DNAJC12: variants seen among roughly 807,000 people sequenced by gnomAD.
The protein encoded by DNAJC12 is dnaJ homolog subfamily C member 12.
DNAJC12 carries 25 observed loss-of-function variants against 28.5 expected under a neutral mutation model. That is an observed-to-expected ratio of 0.88 (90% CI 0.64 to 1.22). DNAJC12 has a LOEUF of 1.22. DNAJC12 is among the 50% of genes most tolerant of loss of function. The pLI is 0.00. For synonymous variants in DNAJC12, 77 were observed against 80.6 expected (o/e 0.95, Z 0.24); for missense variants, 222 against 231.7 (o/e 0.96, Z 0.27).
At chr10:67,801,742 A>T (rs1267532187) in intron 4 of DNAJC12, among the ~76,000 whole-genome samples, 5 of 146,538 alleles carry the variant, frequency 3.4e-5, no homozygotes, top group Admixed American at 2.7e-4. Context: ...GTGAGCCGAG[A>T]CAGTGCCACT....
intron 4 of DNAJC12, among the ~76,000 whole-genome samples, chr10:67,803,051 G>A (rs1210886783): frequency 6.6e-6 from 1 of 151,402 alleles, no homozygotes; most frequent in Non-Finnish European, 1.5e-5. Flanking sequence ...TGTTGCCCAG[G>A]CTGGTCTCAA....
intron 2 of DNAJC12, among the ~76,000 whole-genome samples, chr10:67,819,720 AAGG>A (rs1841958777): frequency 1.8e-4 from 1 of 5,510 alleles, no homozygotes; most frequent in Non-Finnish European, 6.1e-4. Context: ...GGAAGGAAGC[AAGG>A]AAGGAAGGAA....
chr10:67,831,437 T>C (rs1226825165), intron 1 of DNAJC12, among the ~76,000 whole-genome samples: 1 of 152,192 alleles, frequency 6.6e-6, no homozygotes, highest in Non-Finnish European at 1.5e-5. Flanking sequence ...TAGCAAAATA[T>C]TTTTGTCTAA....
intron 1 of DNAJC12, among the ~76,000 whole-genome samples, chr10:67,832,368 C>T (rs1461456872): frequency 6.6e-6 from 1 of 151,586 alleles, no homozygotes; most frequent in Non-Finnish European, 1.5e-5. Context: ...TAGATTTTTC[C>T]CACAAAATTC....
chr10:67,837,424 A>C (rs1842151181), intron 1 of DNAJC12, among the ~76,000 whole-genome samples: 1 of 152,178 alleles, frequency 6.6e-6, no homozygotes, highest in Non-Finnish European at 1.5e-5. Context: ...CACCCTTTCA[A>C]GAAGTAATTT....
At chr10:67,800,215 C>CTTCT (rs1249545037) in intron 4 of DNAJC12, among the ~76,000 whole-genome samples, 3 of 63,420 alleles carry the variant, frequency 4.7e-5, no homozygotes, top group African/African-American at 6.8e-5. Context: ...GAGAGAGACT[C>CTTCT]TATCTCAAAA....
chr10:67,829,763 A>T (rs1842075138), intron 1 of DNAJC12, among the ~76,000 whole-genome samples: 1 of 152,114 alleles, frequency 6.6e-6, no homozygotes, highest in South Asian at 2.1e-4. Context: ...CAATAATAGG[A>T]TGTTTGTTAT....
chr10:67,826,130 T>C (rs535053735), intron 1 of DNAJC12, among the ~76,000 whole-genome samples: 1 of 73,438 alleles, frequency 1.4e-5, no homozygotes, highest in Non-Finnish European at 3.6e-5. Context: ...TGAAGACATA[T>C]CTTTTTTTTT....
chr10:67,834,208 C>A (rs150082642), intron 1 of DNAJC12: 165 of 347,526 alleles, frequency 4.7e-4, no homozygotes, highest in African/African-American at 3.4e-3. Context: ...ATTATACTTT[C>A]ATTAGGTATG....
At chr10:67,801,836 CTTTTTTTTTTTTTTTTT>C (rs577511924) in intron 4 of DNAJC12, among the ~76,000 whole-genome samples, 938 of 26,178 alleles carry the variant, frequency 0.036, 19 homozygotes, top group African/African-American at 0.12. Context: ...CCACTTCATT[CTTTTTTTTTTTTTTTTT>C]TTTTTTTTTT....
chr10:67,805,133 C>T (rs908534489), intron 4 of DNAJC12, among the ~76,000 whole-genome samples: 1 of 152,154 alleles, frequency 6.6e-6, no homozygotes, highest in African/African-American at 2.4e-5. Flanking sequence ...GTTCAGACCC[C>T]TTTCCCTTCC....
At chr10:67,824,264 A>C (rs982404225) in intron 1 of DNAJC12, among the ~76,000 whole-genome samples, 1 of 151,380 alleles carries the variant, frequency 6.6e-6, no homozygotes, top group East Asian at 1.9e-4. Flanking sequence ...ATATTTAAAT[A>C]CCCAAAATGA....
intron 3 of DNAJC12, among the ~76,000 whole-genome samples, chr10:67,807,992 G>A (rs1407782118): frequency 6.6e-6 from 1 of 152,148 alleles, no homozygotes; most frequent in African/African-American, 2.4e-5. Context: ...TGCTTCTCAC[G>A]CTTTGTAGTT....
chr10:67,797,243 A>G, intron 4 of DNAJC12, 33 bp from the exon 5 acceptor site: 1 of 1,582,216 alleles, frequency 6.3e-7, no homozygotes, highest in Non-Finnish European at 8.7e-7. Flanking sequence ...ATTTAAAATC[A>G]GAAGTAGGAA....
Position 67,797,217 on chromosome 10 carries a change from A to G in DNAJC12, c.503-7T>C, listed in dbSNP as rs752582962. ...CCATTCACATCTGCAAAACCTTTAA[A>G]GGAAAGAAAGTAAATATTTAAAATC... On this transcript the variant is annotated splice_polypyrimidine_tract_variant and splice_region_variant and intron_variant, in intron 4 of 4. Coordinates refer to ENST00000225171, the MANE Select transcript of DNAJC12 (RefSeq NM_021800.3). 26 of 1,610,966 alleles carry G rather than the reference A, an allele frequency of 1.6e-5. 1 individual carries two copies. The South Asian group carries it at 2.4e-4, about 15-fold the overall frequency.
intron 3 of DNAJC12, among the ~76,000 whole-genome samples, chr10:67,807,962 T>A (rs774197201): frequency 2.0e-5 from 3 of 152,226 alleles, no homozygotes; most frequent in Non-Finnish European, 4.4e-5. Flanking sequence ...ATCCAAACTG[T>A]ATCTAACCTT....
chr10:67,826,563 TAA>T (rs1842032179), intron 1 of DNAJC12, among the ~76,000 whole-genome samples: 3 of 140,170 alleles, frequency 2.1e-5, no homozygotes, highest in Non-Finnish European at 4.5e-5. Context: ...AGATATCTAA[TAA>T]TATATATAAT....
chr10:67,830,991 A>G (rs561959056), intron 1 of DNAJC12, among the ~76,000 whole-genome samples: 1 of 152,356 alleles, frequency 6.6e-6, no homozygotes, highest in South Asian at 2.1e-4. Context: ...ATTGGAGACC[A>G]GGCTGACCAA....
At chr10:67,818,530 C>T (rs1482535233) in intron 2 of DNAJC12, among the ~76,000 whole-genome samples, 3 of 152,142 alleles carry the variant, frequency 2.0e-5, no homozygotes, top group African/African-American at 7.2e-5. Context: ...AGTGATTCAT[C>T]ATGTATCCTG....
Sources: gnomAD v4.1 joint callset for allele counts (sites outside exome capture counted in the v4.1 genomes callset) on GRCh38, gnomAD v4.1.1 for gene constraint, MANE v1.5 for transcripts, NCBI Gene and HGNC (gene_info 2026-07-23, HGNC 2026-07-21) for gene names.